Variants in GRID2 observed in about 807,000 individuals in gnomAD.
The protein encoded by GRID2 is glutamate ionotropic receptor delta type subunit 2, also known as glutamate receptor ionotropic, delta-2.
GRID2 carries 33 observed loss-of-function variants against 114.8 expected under a neutral mutation model. That is an observed-to-expected ratio of 0.29 (90% CI 0.22 to 0.38). The LOEUF (loss-of-function observed/expected upper bound fraction) is 0.38. Among genes scored for constraint, GRID2 ranks in the 10% least tolerant of loss-of-function variants. The pLI is 1.00. For synonymous variants in GRID2, 505 were observed against 449.9 expected (o/e 1.12, Z -1.55); for missense variants, 1,184 against 1,257.7 (o/e 0.94, Z 0.89).
chr4:93,522,893 G>T (rs1017963631), intron 13 of GRID2, among the ~76,000 whole-genome samples: 2 of 152,116 alleles, frequency 1.3e-5, no homozygotes, highest in Admixed American at 1.3e-4. Flanking sequence ...AGAAAGTACT[G>T]GAAAGAGATG....
chr4:93,413,508 T>C (rs1477654490), intron 9 of GRID2, among the ~76,000 whole-genome samples: 1 of 152,140 alleles, frequency 6.6e-6, no homozygotes, highest in African/African-American at 2.4e-5. Flanking sequence ...TTAATTCACA[T>C]AAGTAGTGCA....
chr4:93,194,637 C>T (rs1741303969), intron 4 of GRID2, among the ~76,000 whole-genome samples: 1 of 152,132 alleles, frequency 6.6e-6, no homozygotes, highest in Non-Finnish European at 1.5e-5. Context: ...CAGTACCTAG[C>T]AATGTGTCTG....
chr4:93,240,836 T>C (rs1747426427), intron 8 of GRID2, among the ~76,000 whole-genome samples: 1 of 151,504 alleles, frequency 6.6e-6, no homozygotes, highest in South Asian at 2.1e-4. Flanking sequence ...TTTATTGAGA[T>C]ATAATTTAAG....
chr4:93,029,852 A>G (rs1467781309), intron 2 of GRID2, among the ~76,000 whole-genome samples: 1 of 152,178 alleles, frequency 6.6e-6, no homozygotes, highest in Non-Finnish European at 1.5e-5. Context: ...GTTTAGGTAT[A>G]ACTAACTTAC....
intron 2 of GRID2, among the ~76,000 whole-genome samples, chr4:92,764,559 C>T (rs1352735280): frequency 6.6e-6 from 1 of 152,144 alleles, no homozygotes; most frequent in Admixed American, 6.5e-5. Context: ...CAGGAGCCCT[C>T]TCAAATCACA....
intron 1 of GRID2, among the ~76,000 whole-genome samples, chr4:92,343,890 C>T (rs947793403): frequency 1.1e-4 from 17 of 152,270 alleles, no homozygotes; most frequent in Non-Finnish European, 2.4e-4. Context: ...GTATTATATA[C>T]TGTTTCCTTA....
chr4:92,543,129 G>T (rs1263804622), intron 1 of GRID2, among the ~76,000 whole-genome samples: 1 of 152,006 alleles, frequency 6.6e-6, no homozygotes, highest in East Asian at 1.9e-4. Context: ...TGAACACTTG[G>T]AGTCTAGGAG....
At chr4:92,764,296 G>C (rs1274726116) in intron 2 of GRID2, among the ~76,000 whole-genome samples, 2 of 152,166 alleles carry the variant, frequency 1.3e-5, no homozygotes, top group Non-Finnish European at 2.9e-5. Context: ...TTTTGAAGCA[G>C]TCCTCTTACT....
intron 1 of GRID2, among the ~76,000 whole-genome samples, chr4:92,318,761 C>T (rs1396935718): frequency 1.3e-5 from 2 of 151,910 alleles, no homozygotes; most frequent in East Asian, 3.9e-4. Context: ...AGCGTGAGCA[C>T]CATGCCCAGC....
intron 11 of GRID2, among the ~76,000 whole-genome samples, chr4:93,471,298 G>A (rs1244711955): frequency 3.7e-4 from 57 of 152,232 alleles, no homozygotes; most frequent in South Asian, 2.1e-4. Flanking sequence ...GCTGCAAGGA[G>A]GGGAAACCCA....
chr4:92,928,438 A>G (rs892005441), intron 2 of GRID2, among the ~76,000 whole-genome samples: 13 of 151,636 alleles, frequency 8.6e-5, no homozygotes, highest in Admixed American at 6.6e-4. Context: ...AGAGTTTCCC[A>G]TGCATATTTA....
chr4:93,222,214 T>A lies in GRID2; in HGVS notation c.964-2400T>A, dbSNP rs76159445. The stretch of plus-strand genomic sequence containing the variant: ...CATCCAGGAGGAATTTATTTTTTTG[T>A]GGAAAAGGTAGATTTAAAAAAGAAT... On this transcript the variant is annotated intron_variant, in intron 6 of 15. Transcript: ENST00000282020. 7.8e-3 allele frequency among the ~76,000 whole-genome samples: 1,187 copies of A among 152,164 alleles called. 14 individuals carry two copies. Among genetic ancestry groups the A allele is most frequent in the African/African-American group, 0.027 (1,121 of 41,544 alleles).
At chr4:92,961,209 C>A (rs573687440) in intron 2 of GRID2, among the ~76,000 whole-genome samples, 3 of 151,878 alleles carry the variant, frequency 2.0e-5, no homozygotes, top group South Asian at 4.1e-4. Context: ...AAATTATTGT[C>A]CATTTGATAA....
At chr4:93,012,662 G>A (rs1271628870) in intron 2 of GRID2, among the ~76,000 whole-genome samples, 1 of 133,406 alleles carries the variant, frequency 7.5e-6, no homozygotes, top group Admixed American at 8.3e-5. Flanking sequence ...AAGAGCAAAG[G>A]ATACTATAAG....
intron 8 of GRID2, among the ~76,000 whole-genome samples, chr4:93,353,124 CTTG>C (rs1429373788): frequency 1.3e-5 from 2 of 152,116 alleles, no homozygotes; most frequent in South Asian, 4.1e-4. Context: ...CTCAGGCATC[CTTG>C]TTGTAAAACT....
chr4:92,613,026 C>T (rs891292367), intron 2 of GRID2, among the ~76,000 whole-genome samples: 1 of 151,312 alleles, frequency 6.6e-6, no homozygotes, highest in African/African-American at 2.4e-5. Flanking sequence ...AGCATTTAGC[C>T]ATTGAGCTTT....
chr4:93,020,176 T>A (rs1422395529), intron 2 of GRID2, among the ~76,000 whole-genome samples: 2 of 152,176 alleles, frequency 1.3e-5, no homozygotes, highest in Admixed American at 6.5e-5. Flanking sequence ...AAATTAAAGT[T>A]TTATTGAGGT....
chr4:93,326,297 C>G (rs1335196259), intron 8 of GRID2, among the ~76,000 whole-genome samples: 1 of 152,180 alleles, frequency 6.6e-6, no homozygotes, highest in Non-Finnish European at 1.5e-5. Context: ...TATTGCCCCA[C>G]CACTGGGCTG....
At chr4:92,948,386 G>A (rs894607541) in intron 2 of GRID2, among the ~76,000 whole-genome samples, 5 of 151,714 alleles carry the variant, frequency 3.3e-5, no homozygotes, top group Non-Finnish European at 3.0e-5. Flanking sequence ...CTAAAATTTT[G>A]TAAAGGTTAT....
Sources: allele counts gnomAD v4.1 joint callset (sites outside exome capture counted in the v4.1 genomes callset), GRCh38; gene constraint gnomAD v4.1.1; transcripts MANE v1.5; gene names NCBI Gene and HGNC (gene_info 2026-07-23, HGNC 2026-07-21).